The following PHF21A variants were observed in gnomAD, a reference collection of about 807,000 sequenced individuals.
PHF21A encodes the protein PHD finger protein 21A, also known as BHC80a.
PHF21A carries 11 observed loss-of-function variants against 82.5 expected under a neutral mutation model. That is an observed-to-expected ratio of 0.13 (90% CI 0.08 to 0.22). The LOEUF (loss-of-function observed/expected upper bound fraction) is 0.22, where lower values mean the gene tolerates loss of function less well. Ranked by LOEUF, PHF21A falls within the 10% of genes least tolerant of loss-of-function variation. PHF21A has a pLI of 1.00. For synonymous variants in PHF21A, 297 were observed against 302.8 expected (o/e 0.98, Z 0.20); for missense variants, 579 against 837.8 (o/e 0.69, Z 3.81).
intron 1 of PHF21A, chr11:46,119,919 G>A (rs1852602749): frequency 6.8e-6 from 1 of 146,482 alleles, no homozygotes; most frequent in South Asian, 2.1e-4. Flanking sequence ...GGGCGGCCGC[G>A]GCCCCTCTCG....
At chr11:46,088,563 T>C (rs2096883828) in intron 3 of PHF21A, among the ~76,000 whole-genome samples, 1 of 152,222 alleles carries the variant, frequency 6.6e-6, no homozygotes, top group South Asian at 2.1e-4. Flanking sequence ...TAATTCTACT[T>C]ACTCACTGTG....
Position 46,018,249 on chromosome 11 carries a change from C to CAA in PHF21A, c.154-38285_154-38284dup, listed in dbSNP as rs772133757. Among the ~76,000 whole-genome samples the CAA allele has an allele frequency of 6.3e-3, 481 of 76,194 alleles. 3 individuals are homozygous for CAA. The highest frequency in any genetic ancestry group is 0.012 in the African/African-American group (272 of 23,538). The allele number at this position is 76,194 out of a possible 152,430, so 50.0% of individuals were successfully genotyped here. A position where few individuals can be genotyped will look rare whatever the true frequency, so the allele number is the denominator to read the frequency against. ...TGGGCGACAGAGCGAGACTCCGTCTCAAAAAAAAAAAAAAAAAAATGTGTC... is the reference window on the plus strand; with the variant it reads ...TGGGCGACAGAGCGAGACTCCGTCTCAAAAAAAAAAAAAAAAAAAAATGTGTC... On this transcript the variant is annotated intron_variant, in intron 6 of 18. Transcript: ENST00000676320.
At chr11:46,029,008 C>A (rs932426634) in intron 6 of PHF21A, among the ~76,000 whole-genome samples, 1 of 152,184 alleles carries the variant, frequency 6.6e-6, no homozygotes, top group Non-Finnish European at 1.5e-5. Context: ...ACAAATTGTA[C>A]CACAAGTCTA....
chr11:46,108,192 T>G (rs537903382), intron 1 of PHF21A, among the ~76,000 whole-genome samples: 6 of 152,304 alleles, frequency 3.9e-5, no homozygotes, highest in African/African-American at 1.2e-4. Context: ...TTTTTTTAAA[T>G]GTTATTTGAA....
chr11:45,985,979 T>A (rs376748069), intron 6 of PHF21A, among the ~76,000 whole-genome samples: 1 of 152,080 alleles, frequency 6.6e-6, no homozygotes, highest in African/African-American at 2.4e-5. Flanking sequence ...ATTCTCTGCA[T>A]GGATGTTTAA....
chr11:46,067,213 G>A (rs1228323074), intron 6 of PHF21A, among the ~76,000 whole-genome samples: 1 of 152,118 alleles, frequency 6.6e-6, no homozygotes, highest in African/African-American at 2.4e-5. Flanking sequence ...AAGGTATAAG[G>A]TGACCCTAGG....
rs534418927 is a variant in PHF21A, at chr11:46,030,156, G to C, written c.153+46598C>G. ...GCTGACTCTATCTGGAGAATATCTT[G>C]CTAATACATTAAAAGCTACTGCAGG... On this transcript the variant is annotated intron_variant, in intron 6 of 18. Transcript: ENST00000676320. Among the ~76,000 whole-genome samples, 242 of 152,272 alleles carry C rather than the reference G, an allele frequency of 1.6e-3. 1 individual carries two copies. The highest frequency in any genetic ancestry group is 3.1e-3 in the South Asian group (15 of 4,828).
chr11:45,950,826 C>A (rs2092007068), intron 11 of PHF21A, among the ~76,000 whole-genome samples: 2 of 152,208 alleles, frequency 1.3e-5, no homozygotes, highest in Admixed American at 1.3e-4. Flanking sequence ...TAACAAGCTC[C>A]AAATCCTGAG....
chr11:46,054,710 G>A (rs1302470880), intron 6 of PHF21A, among the ~76,000 whole-genome samples: 1 of 152,156 alleles, frequency 6.6e-6, no homozygotes, highest in Non-Finnish European at 1.5e-5. Flanking sequence ...TAGAAGGTAA[G>A]TTCCTTAAGA....
intron 1 of PHF21A, among the ~76,000 whole-genome samples, chr11:46,097,148 T>G (rs538499269): frequency 2.0e-5 from 3 of 152,152 alleles, no homozygotes; most frequent in Non-Finnish European, 4.4e-5. Flanking sequence ...GCCTCCTAAC[T>G]GGCCTCCCCA....
At chr11:46,105,520 G>A (rs925480075) in intron 1 of PHF21A, among the ~76,000 whole-genome samples, 1 of 151,966 alleles carries the variant, frequency 6.6e-6, no homozygotes, top group Non-Finnish European at 1.5e-5. Context: ...ATTCAGAGAC[G>A]TCCCTGTGCA....
intron 6 of PHF21A, among the ~76,000 whole-genome samples, chr11:46,020,986 T>G (rs1479371155): frequency 1.3e-5 from 2 of 151,952 alleles, no homozygotes; most frequent in East Asian, 3.9e-4. Flanking sequence ...CAATGTATGA[T>G]GGGTTTATTG....
chr11:45,953,466 G>A lies in PHF21A; in HGVS notation c.1095+61C>T, dbSNP rs1309173721. The stretch of plus-strand genomic sequence containing the variant: ...CATTCAGAGAGCAGGTGCCCCTCCT[G>A]GTACATGAGAATAAACCATACACCA... On this transcript the variant is annotated intron_variant, in intron 11 of 18. Coordinates refer to ENST00000676320, the MANE Select transcript of PHF21A (RefSeq NM_001352027.3). 12 of 990,596 alleles carry A rather than the reference G, an allele frequency of 1.2e-5. No homozygotes were observed. In the East Asian group the frequency reaches 2.9e-4, roughly 24 times the overall value. 61.4% of individuals were successfully genotyped at this position (990,596 alleles called of 1,614,324 possible). A position where few individuals can be genotyped will look rare whatever the true frequency, so the allele number is the denominator to read the frequency against.
At chr11:46,063,502 T>C (rs995612982) in intron 6 of PHF21A, among the ~76,000 whole-genome samples, 1 of 152,126 alleles carries the variant, frequency 6.6e-6, no homozygotes, top group African/African-American at 2.4e-5. Flanking sequence ...TGTGATTGTG[T>C]TCTAATAATT....
intron 8 of PHF21A, chr11:45,970,319 C>G (rs1403584190): frequency 2.6e-5 from 5 of 189,504 alleles, no homozygotes; most frequent in African/African-American, 1.2e-4. Context: ...AATTTTCTAA[C>G]TCTCAGTATC....
chr11:45,957,138 G>A (rs1263398985), intron 10 of PHF21A, among the ~76,000 whole-genome samples: 1 of 152,088 alleles, frequency 6.6e-6, no homozygotes, highest in Non-Finnish European at 1.5e-5. Context: ...AATATATGAA[G>A]AAACTATTGA....
At chr11:46,028,070 A>G (rs2095788027) in intron 6 of PHF21A, among the ~76,000 whole-genome samples, 2 of 152,162 alleles carry the variant, frequency 1.3e-5, no homozygotes, top group South Asian at 4.1e-4. Flanking sequence ...TAAATTCTTG[A>G]GTTGGAAATC....
At chr11:45,949,623 A>C in intron 12 of PHF21A, 142 bp from the exon 13 acceptor site, 1 of 721,486 alleles carries the variant, frequency 1.4e-6, no homozygotes, top group Non-Finnish European at 2.4e-6. Flanking sequence ...CAGCAGAGGC[A>C]AGCACACTAC....
intron 3 of PHF21A, among the ~76,000 whole-genome samples, chr11:46,085,321 C>T (rs2096843576): frequency 6.6e-6 from 1 of 152,152 alleles, no homozygotes; most frequent in Non-Finnish European, 1.5e-5. Context: ...CCAGTCATCT[C>T]TTTGACTATA....
Sources: gnomAD v4.1 joint callset for allele counts (sites outside exome capture counted in the v4.1 genomes callset) on GRCh38, gnomAD v4.1.1 for gene constraint, MANE v1.5 for transcripts, NCBI Gene and HGNC (gene_info 2026-07-23, HGNC 2026-07-21) for gene names.